Variants in CAST observed in about 807,000 individuals in gnomAD.
The protein encoded by CAST is MIR583 host.
Under a neutral mutation model 119.6 loss-of-function variants are expected in CAST, and 76 were observed. The observed-to-expected ratio is 0.64, with a 90% CI of 0.53 to 0.77. The LOEUF is 0.77. CAST is among the 30% of genes least tolerant of loss of function. The pLI, the probability that CAST is intolerant of heterozygous loss-of-function variation, is 0.00. For synonymous variants in CAST, 319 were observed against 331.6 expected (o/e 0.96, Z 0.41); for missense variants, 953 against 946.5 (o/e 1.01, Z -0.09).
the CAST span, among the ~76,000 whole-genome samples, chr5:96,076,257 G>A: frequency 1.8e-4 from 27 of 152,294 alleles, no homozygotes; most frequent in Non-Finnish European, 3.2e-4. Flanking sequence ...GAAAACCAAG[G>A]AAGTCTATCT....
chr5:96,035,164 T>A, the CAST span, among the ~76,000 whole-genome samples: 3 of 142,758 alleles, frequency 2.1e-5, no homozygotes, highest in African/African-American at 7.7e-5. Context: ...TACTTCAAAA[T>A]ATATATTTTG....
the CAST span, among the ~76,000 whole-genome samples, chr5:96,318,057 G>GA: frequency 4.6e-5 from 7 of 152,196 alleles, no homozygotes; most frequent in Non-Finnish European, 8.8e-5. Flanking sequence ...TCAATGGCTT[G>GA]ATAGCCTGAG....
the CAST span, among the ~76,000 whole-genome samples, chr5:96,011,406 C>T: frequency 6.6e-6 from 1 of 152,070 alleles, no homozygotes; most frequent in South Asian, 2.1e-4. Flanking sequence ...AATGTAAAGT[C>T]CTATACTTTG....
chr5:96,722,522 A>C lies in CAST; in HGVS notation c.211-117A>C, dbSNP rs535047727. The stretch of plus-strand genomic sequence containing the variant: ...ACCTCCTACTAGATTTTTGTGCTCT[A>C]AACTGGGTAAAACCAAGGTAAAGGG... On this transcript the variant is annotated intron_variant, in intron 3 of 31. Coordinates refer to ENST00000675179, the MANE Select transcript of CAST (RefSeq NM_001750.7). The C allele has an allele frequency of 1.5e-5, 11 of 745,062 alleles. No homozygotes were observed. The South Asian group carries it at 1.7e-4, about 12-fold the overall frequency. 46.2% of individuals were successfully genotyped at this position (745,062 alleles called of 1,614,324 possible).
the CAST span, among the ~76,000 whole-genome samples, chr5:96,487,855 C>A: frequency 1.3e-5 from 2 of 152,240 alleles, no homozygotes; most frequent in East Asian, 3.9e-4. Flanking sequence ...GAAAGGGCAC[C>A]AAACACATAA....
At chr5:96,680,374 A>AAAAAAAAAAAAAC (rs1751244831) in intron 2 of CAST, among the ~76,000 whole-genome samples, 1 of 124,896 alleles carries the variant, frequency 8.0e-6, no homozygotes, top group African/African-American at 3.3e-5. Context: ...AAAAAAAAAA[A>AAAAAAAAAAAAAC]AAAAAGAAGA....
chr5:96,294,002 C>A, the CAST span, among the ~76,000 whole-genome samples: 4 of 151,354 alleles, frequency 2.6e-5, no homozygotes, highest in South Asian at 8.4e-4. Flanking sequence ...TCAGGTGATC[C>A]ACCAGCCTCA....
At chr5:96,576,312 C>A (rs537887264) in intron 1 of CAST, among the ~76,000 whole-genome samples, 75 of 152,076 alleles carry the variant, frequency 4.9e-4, no homozygotes, top group African/African-American at 1.8e-3. Context: ...TATTTGGTAG[C>A]ATTCTCCAGT....
At chr5:96,406,306 C>T in the CAST span, among the ~76,000 whole-genome samples, 7 of 152,120 alleles carry the variant, frequency 4.6e-5, no homozygotes, top group Non-Finnish European at 7.3e-5. Flanking sequence ...AATTATTTCT[C>T]GGTTAATTTG....
chr5:96,002,694 G>A, the CAST span, among the ~76,000 whole-genome samples: 1 of 152,102 alleles, frequency 6.6e-6, no homozygotes, highest in Non-Finnish European at 1.5e-5. Context: ...GTGAATGGCT[G>A]GCAGACACAA....
At chr5:96,421,003 A>G in the CAST span, among the ~76,000 whole-genome samples, 2 of 152,208 alleles carry the variant, frequency 1.3e-5, no homozygotes, top group African/African-American at 4.8e-5. Context: ...TCTTCTGTGT[A>G]GAGAAAATGA....
At chr5:96,712,383 G>C (rs1269338016) in intron 3 of CAST, among the ~76,000 whole-genome samples, 1 of 152,130 alleles carries the variant, frequency 6.6e-6, no homozygotes, top group Admixed American at 6.5e-5. Flanking sequence ...TTGGGCTGGA[G>C]TGCAGTGGTG....
the CAST span, among the ~76,000 whole-genome samples, chr5:96,245,877 G>A: frequency 5.9e-5 from 9 of 152,158 alleles, no homozygotes; most frequent in African/African-American, 1.7e-4. Context: ...TGCTAGCTAT[G>A]AGGCTGACTG....
At chr5:96,303,419 A>G in the CAST span, among the ~76,000 whole-genome samples, 2 of 152,176 alleles carry the variant, frequency 1.3e-5, no homozygotes, top group Non-Finnish European at 1.5e-5. Flanking sequence ...CATGTCATCA[A>G]CAAACAGGAA....
chr5:96,732,818 A>C (rs1760829299), intron 9 of CAST, among the ~76,000 whole-genome samples: 1 of 152,218 alleles, frequency 6.6e-6, no homozygotes, highest in Admixed American at 6.5e-5. Flanking sequence ...GTTAGACCTA[A>C]AAGCAATATA....
the CAST span, among the ~76,000 whole-genome samples, chr5:96,021,229 T>A: frequency 1.3e-5 from 2 of 152,172 alleles, no homozygotes; most frequent in Non-Finnish European, 2.9e-5. Flanking sequence ...TTTATCTGTA[T>A]AACTGTGTGC....
chr5:96,086,061 A>G, the CAST span, among the ~76,000 whole-genome samples: 1 of 152,208 alleles, frequency 6.6e-6, no homozygotes, highest in Non-Finnish European at 1.5e-5. Context: ...GTATTTATAT[A>G]TGACCTATGT....
the CAST span, among the ~76,000 whole-genome samples, chr5:96,490,616 AC>A: frequency 6.6e-6 from 1 of 152,176 alleles, no homozygotes; most frequent in Non-Finnish European, 1.5e-5. Context: ...ATATAAGAAT[AC>A]AAATGACAAA....
intron 3 of CAST, among the ~76,000 whole-genome samples, chr5:96,708,739 C>T (rs1755515657): frequency 6.6e-6 from 1 of 152,166 alleles, no homozygotes; most frequent in African/African-American, 2.4e-5. Flanking sequence ...GATTCACCTG[C>T]CTCGGCCTCC....
Sources: allele counts gnomAD v4.1 joint callset (sites outside exome capture counted in the v4.1 genomes callset), GRCh38; gene constraint gnomAD v4.1.1; transcripts MANE v1.5; gene names NCBI Gene and HGNC (gene_info 2026-07-23, HGNC 2026-07-21).